ZNF514: variants seen among roughly 807,000 people sequenced by gnomAD.
ZNF514 encodes the protein zinc finger protein 514.
A neutral mutation model predicts 9.7 loss-of-function variants in ZNF514; 12 were observed. The observed-to-expected ratio is 1.24, with a 90% CI of 0.79 to 2.01. The LOEUF (loss-of-function observed/expected upper bound fraction) is 2.01, where lower values mean the gene tolerates loss of function less well. ZNF514 is among the 30% of genes most tolerant of loss of function. ZNF514 has a pLI of 0.00. For synonymous variants in ZNF514, 158 were observed against 163.7 expected (o/e 0.97, Z 0.27); for missense variants, 467 against 465.5 (o/e 1.00, Z -0.03).
At chr2:95,127,346 A>G in the ZNF514 span, among the ~76,000 whole-genome samples, 1 of 152,186 alleles carries the variant, frequency 6.6e-6, no homozygotes, top group Non-Finnish European at 1.5e-5. Context: ...TTTTCTGCCT[A>G]TACAAATCCA....
At chr2:95,125,656 C>T in the ZNF514 span, among the ~76,000 whole-genome samples, 1 of 152,206 alleles carries the variant, frequency 6.6e-6, no homozygotes, top group Non-Finnish European at 1.5e-5. Context: ...AAACTGCAGC[C>T]ATTAAACAAT....
chr2:95,130,270 A>C, the ZNF514 span, among the ~76,000 whole-genome samples: 4 of 152,210 alleles, frequency 2.6e-5, no homozygotes, highest in Non-Finnish European at 5.9e-5. Flanking sequence ...TTAACAAGGT[A>C]ATAGAATATC....
chr2:95,134,398 C>T, the ZNF514 span, among the ~76,000 whole-genome samples: 1 of 152,144 alleles, frequency 6.6e-6, no homozygotes, highest in Non-Finnish European at 1.5e-5. Flanking sequence ...CAGATACAGG[C>T]AGTTCAGGCC....
At position 95,147,704 on chromosome 2, in the gene ZNF514, T is replaced by A. The variant is rs1180318996; in HGVS notation, c.*1578A>T. 1 of 151,662 alleles carries A rather than the reference T, an allele frequency of 6.6e-6. No individual in the cohort carries two copies. The highest frequency in any genetic ancestry group is 1.5e-5 in the Non-Finnish European group (1 of 67,960). The allele number at this position is 151,662 out of a possible 1,614,324, so 9.4% of individuals were successfully genotyped here. On this transcript the variant is annotated 3_prime_UTR_variant, in exon 5 of 5. Transcript: ENST00000295208. The stretch of plus-strand genomic sequence containing the variant: ...CCCAGGCTGGAGTGCAGTGGCGTGA[T>A]CTCGGCTGACTGCAAGCTCTGCCTC...
At chr2:95,136,394 C>CA in the ZNF514 span, among the ~76,000 whole-genome samples, 1 of 151,990 alleles carries the variant, frequency 6.6e-6, no homozygotes, top group South Asian at 2.1e-4. Flanking sequence ...ATTACAGGCA[C>CA]ACACCACCCC....
At chr2:95,155,546 T>A (rs564671647) in intron 2 of ZNF514, 1 of 152,322 alleles carries the variant, frequency 6.6e-6, no homozygotes, top group Admixed American at 6.5e-5. Flanking sequence ...AGGATCTCCA[T>A]CCAGACTATC....
At chr2:95,140,822 A>G (rs960458988), downstream of ZNF514, among the ~76,000 whole-genome samples, 3 of 151,862 alleles carry the variant, frequency 2.0e-5, no homozygotes, top group Non-Finnish European at 4.4e-5. Flanking sequence ...TAAAAATACA[A>G]AAATTAGCCG....
At chr2:95,126,392 A>AAAAAAG in the ZNF514 span, among the ~76,000 whole-genome samples, 850 of 84,302 alleles carry the variant, frequency 0.01, 18 homozygotes, top group African/African-American at 0.016. Flanking sequence ...AAAAAAAAAA[A>AAAAAAG]AAAGAAAGAA....
intron 1 of ZNF514, among the ~76,000 whole-genome samples, chr2:95,158,298 T>A (rs2104478656): frequency 6.6e-6 from 1 of 152,100 alleles, no homozygotes; most frequent in South Asian, 2.1e-4. Flanking sequence ...AAAGAGGGGG[T>A]GGGAAGCCCA....
At position 95,157,353 on chromosome 2, in the gene ZNF514, G is replaced by C. The variant is rs924939032; in HGVS notation, c.-9C>G. 1 of 1,289,382 alleles carries C rather than the reference G, an allele frequency of 7.8e-7. No individual in the cohort carries two copies. Among genetic ancestry groups the C allele is most frequent in the African/African-American group, 1.5e-5 (1 of 65,936 alleles). 79.9% of individuals were successfully genotyped at this position (1,289,382 alleles called of 1,614,324 possible). A position where few individuals can be genotyped will look rare whatever the true frequency, so the allele number is the denominator to read the frequency against. ...GAAAAATTAAGAATACAACTCACCC[G>C]AGGCCTGGCTTTCAGGAATGAATTG... On this transcript the variant is annotated splice_region_variant and 5_prime_UTR_variant, in exon 2 of 5. Transcript: ENST00000295208.
the ZNF514 span, among the ~76,000 whole-genome samples, chr2:95,133,284 C>T: frequency 2.0e-5 from 3 of 151,838 alleles, no homozygotes; most frequent in South Asian, 4.2e-4. Context: ...CAGTGAGCTG[C>T]GACAACACCA....
the ZNF514 span, among the ~76,000 whole-genome samples, chr2:95,130,703 C>T: frequency 6.6e-6 from 1 of 152,246 alleles, no homozygotes; most frequent in Non-Finnish European, 1.5e-5. Context: ...AAGGTTATCT[C>T]TCTTATTCCC....
At position 95,158,476 on chromosome 2, in the gene ZNF514, T is replaced by C. The variant is rs543237569; in HGVS notation, c.-96+764A>G. Among the ~76,000 whole-genome samples, 50 of 152,292 alleles carry C rather than the reference T, an allele frequency of 3.3e-4. 1 individual carries two copies. The South Asian group carries it at 7.9e-3, about 24-fold the overall frequency. On this transcript the variant is annotated intron_variant, in intron 1 of 4. Coordinates refer to ENST00000295208, the MANE Select transcript of ZNF514 (RefSeq NM_032788.3). ...CTGGATTGCCCTGCCCCCAACGCTA[T>C]TGGGGGAAGGGGCTCAGAGGAGATA...
chr2:95,152,737 G>A lies in ZNF514; in HGVS notation c.154C>T (p.Gln52Ter), dbSNP rs751963063. 6.2e-7 allele frequency: 1 copy of A among 1,614,122 alleles called. No homozygotes were observed. Among genetic ancestry groups the A allele is most frequent in the Non-Finnish European group, 8.5e-7 (1 of 1,180,028 alleles). ...AAGGGCTCACCCCCTTCCTCCAACT[G>A]GCAGATCACATATGGTTTGGATACT... ...LLVSKPYVICQLEEGGEPFMV... is the reference protein window; with the variant it reads ...LLVSKPYVIC Residue 52 changes from glutamine (Q) to a stop codon, truncating the protein, a stop_gained, in exon 4 of 5, where the codon CAG becomes TAG. Coordinates refer to ENST00000295208, the MANE Select transcript of ZNF514 (RefSeq NM_032788.3). LOFTEE classifies it high-confidence loss of function.
intron 3 of ZNF514, 74 bp downstream of exon 3, chr2:95,153,059 A>C: frequency 6.4e-7 from 1 of 1,553,042 alleles, no homozygotes; most frequent in Non-Finnish European, 8.7e-7. Flanking sequence ...CAACCAGCCC[A>C]GACACCACTA....
chr2:95,138,347 T>TAA, the ZNF514 span, among the ~76,000 whole-genome samples: 6 of 152,162 alleles, frequency 3.9e-5, no homozygotes, highest in Non-Finnish European at 8.8e-5. Flanking sequence ...AAAGACTAGT[T>TAA]AAGTACTTGT....
Position 95,150,051 on chromosome 2 carries a change from G to A in ZNF514, c.434C>T (p.Thr145Ile). 6.2e-7 allele frequency: 1 copy of A among 1,614,064 alleles called. No homozygotes were observed. Among genetic ancestry groups the A allele is most frequent in the Non-Finnish European group, 8.5e-7 (1 of 1,180,016 alleles). ...KQMSTIHKSA[T>I]TLSRDYKWNG... ...CCATTTATAATCTCTGCTAAGGGTGGTGGCAGATTTGTGAATGGTTGACAT... is the reference window on the plus strand; with the variant it reads ...CCATTTATAATCTCTGCTAAGGGTGATGGCAGATTTGTGAATGGTTGACAT... Residue 145 changes from threonine to isoleucine, a missense_variant, in exon 5 of 5, where the codon ACC becomes ATC. Physicochemically the swap from Thr to Ile is moderately conservative, Grantham distance 89. Transcript: ENST00000295208.
rs1317462641 is a variant in ZNF514, at chr2:95,157,398, G to A, written c.-54C>T. 3 of 1,289,660 alleles carry A rather than the reference G, an allele frequency of 2.3e-6. No homozygotes were observed. In the Admixed American group the frequency reaches 6.9e-5, roughly 30 times the overall value. 79.9% of individuals were successfully genotyped at this position (1,289,660 alleles called of 1,614,324 possible). On this transcript the variant is annotated 5_prime_UTR_variant, in exon 2 of 5. Coordinates refer to ENST00000295208, the MANE Select transcript of ZNF514 (RefSeq NM_032788.3). Reference sequence around the variant, plus strand: ...GAATTGGTTGTTCCCTCTTCTCCTGGGAATCTCTCTGGAGGAAGAGCAGGA... The same window carrying A: ...GAATTGGTTGTTCCCTCTTCTCCTGAGAATCTCTCTGGAGGAAGAGCAGGA...
At chr2:95,154,639 CA>C (rs746598558) in intron 2 of ZNF514, 3 of 152,118 alleles carry the variant, frequency 2.0e-5, no homozygotes, top group African/African-American at 7.2e-5. Context: ...CTGAGTTTGA[CA>C]AAGTATTACA....
Sources: gnomAD v4.1 joint callset for allele counts (sites outside exome capture counted in the v4.1 genomes callset) on GRCh38, gnomAD v4.1.1 for gene constraint, MANE v1.5 for transcripts, NCBI Gene and HGNC (gene_info 2026-07-23, HGNC 2026-07-21) for gene names.